Variants in USP21 observed in about 807,000 individuals in gnomAD.
The protein encoded by USP21 is ubiquitin specific peptidase 21, also known as ubiquitin carboxyl-terminal hydrolase 21.
Under a neutral mutation model 70.8 loss-of-function variants are expected in USP21, and 37 were observed. The observed-to-expected ratio is 0.52, with a 90% CI of 0.40 to 0.69. USP21 has a LOEUF of 0.69. Among genes scored for constraint, USP21 ranks in the 30% least tolerant of loss-of-function variants. USP21 has a pLI of 0.00. For synonymous variants in USP21, 263 were observed against 283.1 expected (o/e 0.93, Z 0.71); for missense variants, 584 against 740.8 (o/e 0.79, Z 2.46).
At position 161,162,485 on chromosome 1, in the gene USP21, A is replaced by T. The variant is rs1658004529; in HGVS notation, c.781+95A>T. The T allele has an allele frequency of 6.4e-7, 1 of 1,558,682 alleles. No individual in the cohort carries two copies. Among genetic ancestry groups the T allele is most frequent in the Non-Finnish European group, 8.7e-7 (1 of 1,143,470 alleles). ...ACTGGTGGTGGCCCCCAACCCTTAA[A>T]TCTGGCAGTTGTATCTACTTTTCCC... On this transcript the variant is annotated intron_variant, in intron 5 of 13. Coordinates refer to ENST00000368002, the MANE Select transcript of USP21 (RefSeq NM_001014443.3). The surrounding 1 kb of genome is among the most constrained non-coding windows in gnomAD (Gnocchi z 4.1).
intron 13 of USP21, 39 bp from the exon 14 acceptor site, chr1:161,165,318 G>A (rs991752031): frequency 8.8e-6 from 14 of 1,591,280 alleles, no homozygotes; most frequent in Admixed American, 1.7e-5. Context: ...GAGTAAACAG[G>A]AATGACCACA....
chr1:161,164,795 A>G lies in USP21; in HGVS notation c.1385-40A>G, dbSNP rs1374485580. On this transcript the variant is annotated intron_variant, in intron 11 of 13. Coordinates refer to ENST00000368002, the MANE Select transcript of USP21 (RefSeq NM_001014443.3). The surrounding 1 kb of genome is among the most constrained non-coding windows in gnomAD (Gnocchi z 4.2). ...TCAGGATAGAAGAAGTTCCCCTCAGAGGCCCACTGCCTCCCAAATGCTCCT... is the reference window on the plus strand; with the variant it reads ...TCAGGATAGAAGAAGTTCCCCTCAGGGGCCCACTGCCTCCCAAATGCTCCT... 1 of 1,604,474 alleles carries G rather than the reference A, an allele frequency of 6.2e-7. No individual in the cohort carries two copies.
rs1054037829 is a variant in USP21, at chr1:161,161,331, A to G, written c.600+91A>G. The G allele has an allele frequency of 2.7e-6, 4 of 1,466,388 alleles. No individual in the cohort carries two copies. The highest frequency in any genetic ancestry group is 2.3e-5 in the East Asian group (1 of 43,784). The allele number at this position is 1,466,388 out of a possible 1,614,324, so 90.8% of individuals were successfully genotyped here. ...CCTTTTCTGTCCCCCATTTCCCTGA[A>G]GTTCCTTTCTCAGCCCTTCATTACA... On this transcript the variant is annotated intron_variant, in intron 3 of 13. Coordinates refer to ENST00000368002, the MANE Select transcript of USP21 (RefSeq NM_001014443.3). This position sits in a 1 kb window ranked among gnomAD's most constrained non-coding sequence, Gnocchi z 4.2.
rs1658042345 is a variant in USP21 at position 161,162,833 on chromosome 1, G to GGA, written c.894-85_894-84dup. 1 of 1,585,186 alleles carries GGA rather than the reference G, an allele frequency of 6.3e-7. No individual in the cohort carries two copies. The highest frequency in any genetic ancestry group is 1.3e-5 in the African/African-American group (1 of 74,266). ...TGAGCCTTGAGATGTTCTTCATCCA[G>GGA]GAAGTGGGGACCAATATCTGGGCAG... On this transcript the variant is annotated intron_variant, in intron 6 of 13. Coordinates refer to ENST00000368002, the MANE Select transcript of USP21 (RefSeq NM_001014443.3). This position sits in a 1 kb window ranked among gnomAD's most constrained non-coding sequence, Gnocchi z 4.1.
chr1:161,164,399 C>G lies in USP21; in HGVS notation c.1306-135C>G. 3 of 1,336,782 alleles carry G rather than the reference C, an allele frequency of 2.2e-6. No homozygotes were observed. In the South Asian group the frequency reaches 3.7e-5, roughly 16 times the overall value. The allele number at this position is 1,336,782 out of a possible 1,614,324, so 82.8% of individuals were successfully genotyped here. A position where few individuals can be genotyped will look rare whatever the true frequency, so the allele number is the denominator to read the frequency against. ...GAGTCTCAGATCTGTTCTAGTACTCCTAGAGCAAAGGGGAGAAGCCAAGAG... is the reference window on the plus strand; with the variant it reads ...GAGTCTCAGATCTGTTCTAGTACTCGTAGAGCAAAGGGGAGAAGCCAAGAG... On this transcript the variant is annotated intron_variant, in intron 10 of 13. Coordinates refer to ENST00000368002, the MANE Select transcript of USP21 (RefSeq NM_001014443.3). This position sits in a 1 kb window ranked among gnomAD's most constrained non-coding sequence, Gnocchi z 4.2.
chr1:161,161,966 A>C lies in USP21; in HGVS notation c.601-72A>C. 5.4e-5 allele frequency: 72 copies of C among 1,335,018 alleles called. No individual in the cohort carries two copies. Among genetic ancestry groups the C allele is most frequent in the Middle Eastern group, 1.8e-4 (1 of 5,500 alleles). The allele number at this position is 1,335,018 out of a possible 1,614,324, so 82.7% of individuals were successfully genotyped here. On this transcript the variant is annotated intron_variant, in intron 3 of 13. Coordinates refer to ENST00000368002, the MANE Select transcript of USP21 (RefSeq NM_001014443.3). The surrounding 1 kb of genome is among the most constrained non-coding windows in gnomAD (Gnocchi z 4.2). ...GCATGGGATGGGGGAGGCAGTGGGC[A>C]GCATGCTGTTGAAAGGTTAAAGTGC...
chr1:161,163,660 G>A (rs1279852109), intron 8 of USP21, 41 bp downstream of exon 8: 1 of 1,396,136 alleles, frequency 7.2e-7, no homozygotes, highest in African/African-American at 1.5e-5. Flanking sequence ...ATTAGTGTGT[G>A]AGGGGGGTAC....
In USP21 at chr1:161,165,032, G is replaced by A. The variant is rs1658455033; in HGVS notation, c.1496G>A (p.Ser499Asn). 5 of 1,613,938 alleles carry A rather than the reference G, an allele frequency of 3.1e-6. No homozygotes were observed. The highest frequency in any genetic ancestry group is 4.2e-6 in the Non-Finnish European group (5 of 1,180,002). ...LGDFASDKAGSPVYQLYALCN... is the reference protein window; with the variant it reads ...LGDFASDKAGNPVYQLYALCN... ...TTGATCATCTCCAACCCCGCAGGAAGTCCTGTATACCAGCTGTATGCCCTT... is the reference window on the plus strand; with the variant it reads ...TTGATCATCTCCAACCCCGCAGGAAATCCTGTATACCAGCTGTATGCCCTT... The change falls in exon 13 of 14, where the codon AGT becomes AAT. Residue 499 changes from serine to asparagine, a missense_variant. By Grantham distance (46) the Ser-to-Asn change is conservative. This residue lies in a region of USP21 where 173 missense variants were observed against 268.2 expected (regional missense o/e 0.65). Coordinates refer to ENST00000368002, the MANE Select transcript of USP21 (RefSeq NM_001014443.3).
In USP21 at chr1:161,162,444, T is replaced by TG. The variant is rs1369763826; in HGVS notation, c.781+55dup. ...TCAAGTCCCTTTTTCCCCAACCACTTGCAGGTCCATCTGCCACTGGTGGTG... is the reference window on the plus strand; with the variant it reads ...TCAAGTCCCTTTTTCCCCAACCACTTGGCAGGTCCATCTGCCACTGGTGGTG... On this transcript the variant is annotated intron_variant, in intron 5 of 13. Coordinates refer to ENST00000368002, the MANE Select transcript of USP21 (RefSeq NM_001014443.3). The surrounding 1 kb of genome is among the most constrained non-coding windows in gnomAD (Gnocchi z 4.1). The TG allele has an allele frequency of 5.7e-6, 9 of 1,567,846 alleles. No individual in the cohort carries two copies. The highest frequency in any genetic ancestry group is 1.7e-4 in the Middle Eastern group (1 of 5,866).
In USP21 at chr1:161,162,319, G is replaced by A. The variant is rs1297104547; in HGVS notation, c.710G>A (p.Arg237Gln). ...TGTCTGAGCAGCACTCGACCTCTTC[G>A]GGACTTCTGTCTGAGAAGGGACTTC... ...LQCLSSTRPL[R>Q]DFCLRRDFRQ... The change falls in exon 5 of 14, where the codon CGG becomes CAG. Residue 237 changes from arginine to glutamine, a missense_variant. Arg to Gln is a conservative substitution (Grantham distance 43). Transcript: ENST00000368002. This position sits in a 1 kb window ranked among gnomAD's most constrained non-coding sequence, Gnocchi z 4.1. The A allele has an allele frequency of 6.2e-7, 1 of 1,613,546 alleles. No individual in the cohort carries two copies. The highest frequency in any genetic ancestry group is 8.5e-7 in the Non-Finnish European group (1 of 1,179,728).
Position 161,161,402 on chromosome 1 carries a change from C to T in USP21, c.600+162C>T, listed in dbSNP as rs1657921984. On this transcript the variant is annotated intron_variant, in intron 3 of 13. Coordinates refer to ENST00000368002, the MANE Select transcript of USP21 (RefSeq NM_001014443.3). This position sits in a 1 kb window ranked among gnomAD's most constrained non-coding sequence, Gnocchi z 4.2. ...CCTTGCTTAAATACCCTTGAGCCTC[C>T]TAGACCCTTTTTTGGGTTGTTGGTG... The T allele has an allele frequency of 6.6e-6, 6 of 911,382 alleles. No individual in the cohort carries two copies. Among genetic ancestry groups the T allele is most frequent in the Non-Finnish European group, 9.6e-6 (6 of 623,618 alleles). The allele number at this position is 911,382 out of a possible 1,614,324, so 56.5% of individuals were successfully genotyped here. A position where few individuals can be genotyped will look rare whatever the true frequency, so the allele number is the denominator to read the frequency against.
chr1:161,165,136 G>A lies in USP21; in HGVS notation c.1600G>A (p.Asp534Asn), dbSNP rs748464692. 6.2e-7 allele frequency: 1 copy of A among 1,613,530 alleles called. No homozygotes were observed. The highest frequency in any genetic ancestry group is 8.5e-7 in the Non-Finnish European group (1 of 1,179,720). Reference sequence around the variant, plus strand: ...CCAGACTGGTTGGCATGTCTACAATGACTCTCGGTGAGAATAGCCTCCTAT... The same window carrying A: ...CCAGACTGGTTGGCATGTCTACAATAACTCTCGGTGAGAATAGCCTCCTAT... ...RCQTGWHVYN[D>N]SRVSPVSENQ... The change falls in exon 13 of 14, where the codon GAC becomes AAC. Residue 534 changes from aspartate to asparagine, a missense_variant. Around this residue, in one of 4 missense-constraint regions of USP21, gnomAD observed 173 missense variants for 268.2 expected, o/e 0.65. Transcript: ENST00000368002.
At position 161,161,029 on chromosome 1, in the gene USP21, G is replaced by A. The variant is rs3813616; in HGVS notation, c.389G>A (p.Arg130His). The change falls in exon 3 of 14, where the codon CGT (arginine) becomes CAT (histidine). Residue 130 changes from arginine (R) to histidine (H), a missense_variant. Physicochemically the swap from Arg to His is conservative, Grantham distance 29. This residue lies in a region of USP21 where 284 missense variants were observed against 281.0 expected (regional missense o/e 1.01). Transcript: ENST00000368002. This position sits in a 1 kb window ranked among gnomAD's most constrained non-coding sequence, Gnocchi z 4.2. ...ATGGGGATTGCCTTGGGAGGGCACC[G>A]TGGCACCGGAGAGCTTGGGGCTGCA... ...RPMGIALGGHRGTGELGAALS... is the reference protein window; with the variant it reads ...RPMGIALGGHHGTGELGAALS... 285 of 1,614,230 alleles carry A rather than the reference G, an allele frequency of 1.8e-4. No individual in the cohort carries two copies. The East Asian group carries it at 4.9e-3, about 28-fold the overall frequency.
rs769375313 is a variant in USP21 at position 161,164,663 on chromosome 1, C to A, written c.1384+51C>A. 6.2e-7 allele frequency: 1 copy of A among 1,610,834 alleles called. No homozygotes were observed. The highest frequency in any genetic ancestry group is 1.1e-5 in the South Asian group (1 of 90,554). On this transcript the variant is annotated intron_variant, in intron 11 of 13. Coordinates refer to ENST00000368002, the MANE Select transcript of USP21 (RefSeq NM_001014443.3). This position sits in a 1 kb window ranked among gnomAD's most constrained non-coding sequence, Gnocchi z 4.2. ...TCTCTTAGGATACCTCCCATACATT[C>A]TCTTTCCTCCATGTTTCCAGAGAAT...
rs1316746486 is a variant in USP21 at position 161,163,864 on chromosome 1, G to C, written c.1115-14G>C. On this transcript the variant is annotated splice_polypyrimidine_tract_variant and intron_variant, in intron 8 of 13. Coordinates refer to ENST00000368002, the MANE Select transcript of USP21 (RefSeq NM_001014443.3). ...AACAATGACCTTTTCTCCTGTCCCTGTGCTTCTGTCTAGACCTGTTTGTGG... is the reference window on the plus strand; with the variant it reads ...AACAATGACCTTTTCTCCTGTCCCTCTGCTTCTGTCTAGACCTGTTTGTGG... 6.2e-7 allele frequency: 1 copy of C among 1,610,136 alleles called. No individual in the cohort carries two copies.
Position 161,165,461 on chromosome 1 carries a change from T to C in USP21, c.*14T>C, listed in dbSNP as rs1571308092. ...CGGTGCCTGTGACACCTCTAAGCTC[T>C]GGCACCTGTGAAGCCCTTTAAACAC... On this transcript the variant is annotated 3_prime_UTR_variant, in exon 14 of 14. Transcript: ENST00000368002. 3.1e-6 allele frequency: 5 copies of C among 1,605,702 alleles called. No individual in the cohort carries two copies. Among genetic ancestry groups the C allele is most frequent in the East Asian group, 4.5e-5 (2 of 44,830 alleles).
Position 161,165,474 on chromosome 1 carries a change from G to A in USP21, c.*27G>A. ...ACCTCTAAGCTCTGGCACCTGTGAAGCCCTTTAAACACCCTTAAGCCCCAG... is the reference window on the plus strand; with the variant it reads ...ACCTCTAAGCTCTGGCACCTGTGAAACCCTTTAAACACCCTTAAGCCCCAG... On this transcript the variant is annotated 3_prime_UTR_variant, in exon 14 of 14. Coordinates refer to ENST00000368002, the MANE Select transcript of USP21 (RefSeq NM_001014443.3). 6.3e-7 allele frequency: 1 copy of A among 1,583,964 alleles called. No individual in the cohort carries two copies.
intron 8 of USP21, 56 bp downstream of exon 8, chr1:161,163,675 T>G: frequency 5.3e-6 from 5 of 950,638 alleles, no homozygotes; most frequent in Non-Finnish European, 7.9e-6. Context: ...GGGTACAGGC[T>G]TGGGGGGAAA....
chr1:161,165,666 T>C lies in USP21; in HGVS notation c.*219T>C, dbSNP rs1658661703. On this transcript the variant is annotated 3_prime_UTR_variant, in exon 14 of 14. Coordinates refer to ENST00000368002, the MANE Select transcript of USP21 (RefSeq NM_001014443.3). ...AAAGCTCACCAAGCCCCTGCCCATGTACAGCCCCCAGACCCTCTGCAATAT... is the reference window on the plus strand; with the variant it reads ...AAAGCTCACCAAGCCCCTGCCCATGCACAGCCCCCAGACCCTCTGCAATAT... 3 of 530,752 alleles carry C rather than the reference T, an allele frequency of 5.7e-6. No homozygotes were observed. The highest frequency in any genetic ancestry group is 6.7e-6 in the Non-Finnish European group (2 of 296,374). The allele number at this position is 530,752 out of a possible 1,614,324, so 32.9% of individuals were successfully genotyped here.
Sources: gnomAD v4.1 joint callset for allele counts on GRCh38, gnomAD v4.1.1 for gene constraint, gnomAD v4.1.1 regional missense constraint, Gnocchi (gnomAD v3.1) non-coding constraint, MANE v1.5 for transcripts, NCBI Gene and HGNC (gene_info 2026-07-23, HGNC 2026-07-21) for gene names.